NEB: variants seen among roughly 807,000 people sequenced by gnomAD.
NEB encodes the protein nemaline myopathy type 2.
A neutral mutation model predicts 952.2 loss-of-function variants in NEB; 512 were observed. That is an observed-to-expected ratio of 0.54 (90% CI 0.50 to 0.58). The LOEUF is 0.58. Among genes scored for constraint, NEB ranks in the 20% least tolerant of loss-of-function variants. The pLI is 0.00. For missense variants in NEB, 8,428 were observed against 9,231.1 expected, an observed-to-expected ratio of 0.91 and a Z score of 3.56; for synonymous variants, 2,900 against 3,149.8, an observed-to-expected ratio of 0.92 and a Z score of 2.66.
At chr2:151,491,869 G>A (rs1052388266) in intron 178 of NEB, 94 bp from the exon 179 acceptor site, 1 of 1,086,244 alleles carries the variant, frequency 9.2e-7, no homozygotes, top group African/African-American at 1.6e-5. Context: ...CCAAAGGATT[G>A]AATCACACTT....
At chr2:151,687,898 T>C (rs2099515448) in intron 25 of NEB, among the ~76,000 whole-genome samples, 165 bp from the exon 26 acceptor site, 2 of 152,378 alleles carry the variant, frequency 1.3e-5, no homozygotes, top group South Asian at 4.1e-4. Flanking sequence ...ATCCAGTTTC[T>C]TTCTCCCTAC....
At chr2:151,718,236 T>C (rs935700681) in intron 9 of NEB, among the ~76,000 whole-genome samples, 7 of 152,114 alleles carry the variant, frequency 4.6e-5, no homozygotes, top group African/African-American at 1.4e-4. Flanking sequence ...GCTAACATGA[T>C]GAGTAGGGTT....
At position 151,697,259 on chromosome 2, in the gene NEB, GGA is replaced by G. The variant is rs773970341; in HGVS notation, c.1366-9_1366-8del. 7.8e-5 allele frequency: 126 copies of G among 1,613,200 alleles called. No individual in the cohort carries two copies. The highest frequency in any genetic ancestry group is 1.1e-4 in the Non-Finnish European group (125 of 1,179,330). Reference sequence around the variant, plus strand: ...ATTCTGCTTTGTAGTTTTTCTATGAGGAGAAGAAATTAGGCATAAGATGCAGC... The same window carrying G: ...ATTCTGCTTTGTAGTTTTTCTATGAGGAAGAAATTAGGCATAAGATGCAGC... On this transcript the variant is annotated splice_region_variant and splice_polypyrimidine_tract_variant and intron_variant, in intron 15 of 181. Coordinates refer to ENST00000397345, the MANE Select transcript of NEB (RefSeq NM_001164508.2).
intron 71 of NEB, among the ~76,000 whole-genome samples, chr2:151,623,777 T>G (rs2098463370): frequency 6.6e-6 from 1 of 152,148 alleles, no homozygotes; most frequent in African/African-American, 2.4e-5. Flanking sequence ...GGTCAAATAC[T>G]TTATTTATTA....
intron 143 of NEB, chr2:151,532,233 T>C (rs1559616115): frequency 9.2e-6 from 2 of 217,592 alleles, no homozygotes; most frequent in Non-Finnish European, 1.8e-5. Context: ...AGTTCCAATA[T>C]GTTTTATACA....
chr2:151,497,794 A>G, intron 170 of NEB, 76 bp from the exon 171 acceptor site: 2 of 1,540,442 alleles, frequency 1.3e-6, no homozygotes. Flanking sequence ...AGGATGAGGA[A>G]AAAACACAGT....
chr2:151,677,898 T>C lies in NEB; in HGVS notation c.3545A>G (p.Asn1182Ser). 6.2e-7 allele frequency: 1 copy of C among 1,612,404 alleles called. No homozygotes were observed. The highest frequency in any genetic ancestry group is 2.2e-5 in the East Asian group (1 of 44,872). The change falls in exon 33 of 182, where the codon AAC (asparagine) becomes AGC (serine). Residue 1182 changes from asparagine (N) to serine (S), a missense_variant. Around this residue, in one of 11 missense-constraint regions of NEB, gnomAD observed 2,851 missense variants for 2,791.5 expected, o/e 1.02. Transcript: ENST00000397345. ...PDAMDLELSKNMMQIQSDNVY... is the reference protein window; with the variant it reads ...PDAMDLELSKSMMQIQSDNVY... The stretch of plus-strand genomic sequence containing the variant: ...TACATCACTCTGTATCTGCATCATG[T>C]TCTTAGACAGCTCCAGGTCCATGGC...
chr2:151,546,795 G>A (rs1160309527), intron 133 of NEB, among the ~76,000 whole-genome samples: 3 of 152,090 alleles, frequency 2.0e-5, no homozygotes, highest in East Asian at 1.9e-4. Flanking sequence ...CTGACCTCAG[G>A]TGATCTGCCC....
Position 151,658,072 on chromosome 2 carries a change from A to T in NEB, c.6094T>A (p.Leu2032Met), listed in dbSNP as rs2099105712. The T allele has an allele frequency of 6.2e-7, 1 of 1,604,618 alleles. No individual in the cohort carries two copies. Among genetic ancestry groups the T allele is most frequent in the South Asian group, 1.1e-5 (1 of 89,734 alleles). The change falls in exon 48 of 182, where the codon TTG (leucine) becomes ATG (methionine). Residue 2032 changes from leucine to methionine, a missense_variant. Leu to Met is a conservative substitution (Grantham distance 15, BLOSUM62 2). Transcript: ENST00000397345. ...NMSDKLYKLS[L>M]EESKKKGYDL... ...TAGCCTTTCTTTTTAGACTCTTCCA[A>T]GGAAAGTTTGTAGAGTTTCTGTAAA... is the stretch of plus-strand genomic sequence containing the variant.
chr2:151,524,573 G>A lies in NEB; in HGVS notation c.22316C>T (p.Thr7439Ile). 6.2e-7 allele frequency: 1 copy of A among 1,607,832 alleles called. No individual in the cohort carries two copies. The highest frequency in any genetic ancestry group is 8.5e-7 in the Non-Finnish European group (1 of 1,177,202). ...KDAKENLHYT[T>I]VADRPDIKKA... ...CTTGATGTCTGGTCGATCAGCCACTGTGGTGTAATGCAGGTTCTCTTTGGC... is the reference window on the plus strand; with the variant it reads ...CTTGATGTCTGGTCGATCAGCCACTATGGTGTAATGCAGGTTCTCTTTGGC... The change falls in exon 152 of 182, where the codon ACA (threonine) becomes ATA (isoleucine). Residue 7439 changes from threonine to isoleucine, a missense_variant. Thr to Ile is a moderately conservative substitution (Grantham distance 89). Around this residue, in one of 11 missense-constraint regions of NEB, gnomAD observed 3,374 missense variants for 3,651.5 expected, o/e 0.92. Transcript: ENST00000397345.
intron 129 of NEB, among the ~76,000 whole-genome samples, chr2:151,550,434 G>A (rs956827023): frequency 1.3e-5 from 2 of 151,986 alleles, no homozygotes; most frequent in Non-Finnish European, 2.9e-5. Context: ...AAGCCATCAC[G>A]AAGATATAGC....
At chr2:151,690,532 A>G (rs550322123) in intron 24 of NEB, 195 bp downstream of exon 24, 1 of 510,012 alleles carries the variant, frequency 2.0e-6, no homozygotes, top group East Asian at 3.6e-5. Flanking sequence ...ATTTATTTTT[A>G]TTATTGTCTA....
chr2:151,492,204 T>C lies in NEB; in HGVS notation c.24951A>G (p.Val8317=), dbSNP rs2152822190. The C allele has an allele frequency of 6.2e-7, 1 of 1,613,996 alleles. No homozygotes were observed. Among genetic ancestry groups the C allele is most frequent in the South Asian group, 1.1e-5 (1 of 91,078 alleles). The change falls in exon 178 of 182, where the codon GTA becomes GTG. Residue 8317 remains valine, a synonymous_variant. Transcript: ENST00000397345. ...CACTGAAGTCCTGCATGTTCTTCTT[T>C]ACTCGTTCAGTGATAGGATCTGTCA... The part of the protein sequence containing the change: ...PVVTDPITER[V]KKNMQDFSDI...
At chr2:151,556,249 T>C (rs2095642450) in intron 124 of NEB, among the ~76,000 whole-genome samples, 1 of 152,200 alleles carries the variant, frequency 6.6e-6, no homozygotes, top group East Asian at 1.9e-4. Context: ...ATCAATTTAC[T>C]GAGTCACTAG....
chr2:151,649,402 A>T (rs538146978), intron 54 of NEB, among the ~76,000 whole-genome samples: 1 of 152,192 alleles, frequency 6.6e-6, no homozygotes, highest in African/African-American at 2.4e-5. Flanking sequence ...AGCATATTAC[A>T]TATAGTATAT....
In NEB at chr2:151,526,988, C is replaced by T. The variant is rs780278859; in HGVS notation, c.21875G>A (p.Gly7292Asp). The T allele has an allele frequency of 5.6e-6, 9 of 1,603,196 alleles. No homozygotes were observed. In the Admixed American group the frequency reaches 1.5e-4, roughly 27 times the overall value. The stretch of plus-strand genomic sequence containing the variant: ...GTCATCAGTGACAGAAAGCTTGCAA[C>T]CCTTGAGGAACTCCCGGTCCAGCTT... ...EYKLDREFLK[G>D]CKLSVTDDKN... Residue 7292 changes from glycine to aspartate, a missense_variant, in exon 148 of 182, where the codon GGT (glycine) becomes GAT (aspartate). Around this residue, in one of 11 missense-constraint regions of NEB, gnomAD observed 3,374 missense variants for 3,651.5 expected, o/e 0.92. Transcript: ENST00000397345.
chr2:151,687,602 C>T (rs1030740467), intron 26 of NEB, 24 bp downstream of exon 26: 1 of 1,613,376 alleles, frequency 6.2e-7, no homozygotes, highest in African/African-American at 1.3e-5. Context: ...TGTCCAGGTC[C>T]CCAGGTCCCC....
At position 151,640,357 on chromosome 2, in the gene NEB, C is replaced by T. The variant is rs779416595; in HGVS notation, c.8683G>A (p.Asp2895Asn). 73 of 1,612,866 alleles carry T rather than the reference C, an allele frequency of 4.5e-5. No individual in the cohort carries two copies. Among genetic ancestry groups the T allele is most frequent in the Non-Finnish European group, 5.4e-5 (64 of 1,179,026 alleles). ...TTATTATGACTCTCAGTACTCACAT[C>T]GCTCTGGAGGTCATAGGCCTGCCGA... ...HARQAYDLQS[D>N]NMYKSDLQWM... is the part of the protein sequence containing the mutation. The change falls in exon 61 of 182, where the codon GAT (aspartate) becomes AAT (asparagine). Residue 2895 changes from aspartate (D) to asparagine (N), a missense_variant and splice_region_variant. By Grantham distance (23) the Asp-to-Asn change is conservative (BLOSUM62 1). Coordinates refer to ENST00000397345, the MANE Select transcript of NEB (RefSeq NM_001164508.2).
At position 151,575,696 on chromosome 2, in the gene NEB, T is replaced by G. The variant is rs1390168520; in HGVS notation, c.17012A>C (p.Asn5671Thr). ...LARANALNVSNKLYREGWDEM... is the reference protein window; with the variant it reads ...LARANALNVSTKLYREGWDEM... ...AAGAGAGTCTGTTGTAGTACTTACA[T>G]TGCTCACATTAAGAGCATTTGCTCT... Residue 5671 changes from asparagine to threonine, a missense_variant and splice_region_variant, in exon 107 of 182, where the codon AAT becomes ACT. Asn to Thr is a moderately conservative substitution (Grantham distance 65). This residue lies in a region of NEB where 3,374 missense variants were observed against 3,651.5 expected (regional missense o/e 0.92). Transcript: ENST00000397345. 6.4e-7 allele frequency: 1 copy of G among 1,572,214 alleles called. No individual in the cohort carries two copies.
Sources: gnomAD v4.1 joint callset for allele counts (sites outside exome capture counted in the v4.1 genomes callset) on GRCh38, gnomAD v4.1.1 for gene constraint, gnomAD v4.1.1 regional missense constraint, MANE v1.5 for transcripts, NCBI Gene and HGNC (gene_info 2026-07-23, HGNC 2026-07-21) for gene names.